CFTR: variants seen among roughly 807,000 people sequenced by gnomAD.
CFTR encodes CF transmembrane conductance regulator, also known as cystic fibrosis transmembrane conductance regulator.
A neutral mutation model predicts 171.6 loss-of-function variants in CFTR; 181 were observed. The ratio of observed to expected loss-of-function variants is 1.05; its 90% CI spans 0.93 to 1.19. The LOEUF (loss-of-function observed/expected upper bound fraction) is 1.19, where lower values mean the gene tolerates loss of function less well. Ranked by LOEUF, CFTR falls within the 50% of genes most tolerant of loss-of-function variation. CFTR has a pLI of 0.00. For missense variants in CFTR, 1,968 were observed against 1,734.7 expected, an observed-to-expected ratio of 1.13 and a Z score of -2.39; for synonymous variants, 583 against 608.0, an observed-to-expected ratio of 0.96 and a Z score of 0.60.
intron 15 of CFTR, among the ~76,000 whole-genome samples, chr7:117,598,500 A>G (rs959102772): frequency 6.6e-6 from 1 of 152,216 alleles, no homozygotes; most frequent in African/African-American, 2.4e-5. Flanking sequence ...TCATCACTCC[A>G]CCATGGTCCA....
chr7:117,572,198 TG>T, intron 11 of CFTR, among the ~76,000 whole-genome samples: 1 of 152,018 alleles, frequency 6.6e-6, no homozygotes, highest in Non-Finnish European at 1.5e-5. Context: ...AATGGGGTTT[TG>T]CCATGTTGGC....
At chr7:117,643,727 A>G (rs935398528) in intron 23 of CFTR, among the ~76,000 whole-genome samples, 3 of 152,210 alleles carry the variant, frequency 2.0e-5, no homozygotes, top group African/African-American at 7.2e-5. Context: ...AAAAATGTTG[A>G]AAAGCGAAAA....
At chr7:117,603,485 G>A (rs777914668) in intron 16 of CFTR, 47 bp from the exon 17 acceptor site, 3 of 1,611,072 alleles carry the variant, frequency 1.9e-6, no homozygotes, top group African/African-American at 1.3e-5. Context: ...TGGAAATTCA[G>A]TAAGTAACTT....
At chr7:117,576,308 G>A (rs1791768600) in intron 11 of CFTR, among the ~76,000 whole-genome samples, 1 of 152,070 alleles carries the variant, frequency 6.6e-6, no homozygotes. Context: ...AATTGAACAT[G>A]TACATACATT....
At chr7:117,485,136 GCAT>G (rs1409208266) in intron 1 of CFTR, among the ~76,000 whole-genome samples, 1 of 152,160 alleles carries the variant, frequency 6.6e-6, no homozygotes, top group African/African-American at 2.4e-5. Flanking sequence ...GCTATAAAAT[GCAT>G]TATTATTGCT....
At chr7:117,602,105 T>A (rs751035274) in intron 15 of CFTR, among the ~76,000 whole-genome samples, 1 of 152,246 alleles carries the variant, frequency 6.6e-6, no homozygotes, top group Non-Finnish European at 1.5e-5. Context: ...TGATCTTGGC[T>A]CACTGCAACC....
Position 117,507,964 on chromosome 7 carries a change from C to T in CFTR, c.165-1070C>T, listed in dbSNP as rs533728286. ...CAGGCCTGGCTAATTTTTGTAGAGA[C>T]GGGGTTTTGCTATGCTGGCCAGGCT... On this transcript the variant is annotated intron_variant, in intron 2 of 26. Transcript: ENST00000003084. Among the ~76,000 whole-genome samples, 66 of 152,166 alleles carry T rather than the reference C, an allele frequency of 4.3e-4. 1 individual carries two copies. Among genetic ancestry groups the T allele is most frequent in the African/African-American group, 1.2e-3 (48 of 41,536 alleles).
At chr7:117,629,175 G>A (rs1792699829) in intron 22 of CFTR, among the ~76,000 whole-genome samples, 1 of 152,110 alleles carries the variant, frequency 6.6e-6, no homozygotes, top group Non-Finnish European at 1.5e-5. Context: ...CTCTGAACCT[G>A]TATATACAAA....
At chr7:117,492,523 A>C (rs998344917) in intron 1 of CFTR, among the ~76,000 whole-genome samples, 1 of 152,032 alleles carries the variant, frequency 6.6e-6, no homozygotes, top group African/African-American at 2.4e-5. Flanking sequence ...AACATGATGG[A>C]GATAAAAGAT....
At chr7:117,518,886 G>A (rs1318817640) in intron 3 of CFTR, among the ~76,000 whole-genome samples, 1 of 151,956 alleles carries the variant, frequency 6.6e-6, no homozygotes, top group Non-Finnish European at 1.5e-5. Flanking sequence ...CTTTAAAATG[G>A]CAGCTAGATT....
chr7:117,565,494 C>T (rs752442406), intron 11 of CFTR, among the ~76,000 whole-genome samples: 12 of 151,910 alleles, frequency 7.9e-5, no homozygotes, highest in Non-Finnish European at 1.5e-4. Flanking sequence ...TGTAAATGTA[C>T]CTGAGTTTGG....
intron 10 of CFTR, among the ~76,000 whole-genome samples, chr7:117,556,512 C>CTTTTTTTTTTTT (rs55700428): frequency 2.2e-5 from 1 of 45,904 alleles, no homozygotes; most frequent in Non-Finnish European, 3.6e-5. Flanking sequence ...TGTTTCATTT[C>CTTTTTTTTTTTT]TTTTTTTTTT....
At chr7:117,609,976 T>G (rs1270439045) in intron 18 of CFTR, among the ~76,000 whole-genome samples, 2 of 151,884 alleles carry the variant, frequency 1.3e-5, no homozygotes, top group East Asian at 3.9e-4. Flanking sequence ...AGGAATAGAA[T>G]GGGGAGAGTA....
intron 22 of CFTR, among the ~76,000 whole-genome samples, chr7:117,636,983 A>G (rs192922247): frequency 1.3e-5 from 2 of 151,024 alleles, no homozygotes; most frequent in East Asian, 1.9e-4. Flanking sequence ...TGCCTGAGTA[A>G]TTTTTGTATT....
intron 20 of CFTR, among the ~76,000 whole-genome samples, chr7:117,612,724 C>T (rs1049251332): frequency 6.6e-6 from 1 of 152,008 alleles, no homozygotes; most frequent in Non-Finnish European, 1.5e-5. Flanking sequence ...GAAGGTGGTG[C>T]CATTCGACTC....
At chr7:117,565,598 C>T (rs987911579) in intron 11 of CFTR, among the ~76,000 whole-genome samples, 9 of 152,064 alleles carry the variant, frequency 5.9e-5, no homozygotes, top group African/African-American at 2.2e-4. Context: ...TAATTGGTCT[C>T]CACAAAGTTG....
intron 7 of CFTR, among the ~76,000 whole-genome samples, chr7:117,539,633 A>G (rs1405308908): frequency 1.9e-4 from 29 of 152,094 alleles, no homozygotes; most frequent in Non-Finnish European, 2.9e-5. Context: ...TTAAGAATCC[A>G]TTAGACAATC....
Position 117,591,968 on chromosome 7 carries a change from A to T in CFTR, c.1801A>T (p.Ile601Phe), listed in dbSNP as rs397508306. 12 of 1,595,260 alleles carry T rather than the reference A, an allele frequency of 7.5e-6. No homozygotes were observed. Among genetic ancestry groups the T allele is most frequent in the Non-Finnish European group, 1.0e-5 (12 of 1,174,354 alleles). The part of the protein sequence containing the change: ...VCKLMANKTR[I>F]LVTSKMEHLK... ...TAAACTGATGGCTAACAAAACTAGG[A>T]TTTTGGTCACTTCTAAAATGGAACA... Residue 601 changes from isoleucine to phenylalanine, a missense_variant, in exon 14 of 27, where the codon ATT becomes TTT. Transcript: ENST00000003084.
chr7:117,587,768 T>A lies in CFTR; in HGVS notation c.1614T>A (p.Asn538Lys), dbSNP rs1196851290. 1.9e-6 allele frequency: 3 copies of A among 1,611,336 alleles called. No individual in the cohort carries two copies. The highest frequency in any genetic ancestry group is 1.7e-5 in the Admixed American group (1 of 59,884). ...TCTCCAAGTTTGCAGAGAAAGACAATATAGTTCTTGGAGAAGGTGGAATCA... is the reference window on the plus strand; with the variant it reads ...TCTCCAAGTTTGCAGAGAAAGACAAAATAGTTCTTGGAGAAGGTGGAATCA... Reference protein sequence around the residue: ...EDISKFAEKDNIVLGEGGITL... With the variant: ...EDISKFAEKDKIVLGEGGITL... Residue 538 changes from asparagine (N) to lysine (K), a missense_variant, in exon 12 of 27, where the codon AAT (asparagine) becomes AAA (lysine). Coordinates refer to ENST00000003084, the MANE Select transcript of CFTR (RefSeq NM_000492.4).
Sources: allele counts gnomAD v4.1 joint callset (sites outside exome capture counted in the v4.1 genomes callset), GRCh38; gene constraint gnomAD v4.1.1; transcripts MANE v1.5; gene names NCBI Gene and HGNC (gene_info 2026-07-23, HGNC 2026-07-21).